Variants in DARS2 observed in about 807,000 individuals in gnomAD.
The protein encoded by DARS2 is aspartate--tRNA ligase, mitochondrial.
A neutral mutation model predicts 83.0 loss-of-function variants in DARS2; 63 were observed. That is an observed-to-expected ratio of 0.76 (90% CI 0.62 to 0.94). The LOEUF is 0.94. Ranked by LOEUF, DARS2 falls within the 40% of genes least tolerant of loss-of-function variation. The pLI is 0.00. For synonymous variants in DARS2, 250 were observed against 269.3 expected, an observed-to-expected ratio of 0.93 and a Z score of 0.70; for missense variants, 675 against 774.4, an observed-to-expected ratio of 0.87 and a Z score of 1.52.
chr1:173,853,946 C>A, intron 15 of DARS2, 41 bp downstream of exon 15: 2 of 1,527,792 alleles, frequency 1.3e-6, no homozygotes, highest in Non-Finnish European at 1.8e-6. Context: ...ATTTTTTTAC[C>A]AGAATATTTT....
intron 11 of DARS2, among the ~76,000 whole-genome samples, chr1:173,841,599 G>T (rs1653213819): frequency 6.6e-6 from 1 of 151,728 alleles, no homozygotes; most frequent in Non-Finnish European, 1.5e-5. Flanking sequence ...AATTGCTTAA[G>T]CTCAGGAGTT....
intron 11 of DARS2, among the ~76,000 whole-genome samples, chr1:173,844,778 ATTTTTTTTTTTTTTTTTT>A (rs1164469532): frequency 1.9e-4 from 11 of 56,838 alleles, no homozygotes; most frequent in African/African-American, 2.9e-4. Context: ...CAGAAATTGG[ATTTTTTTTTTTTTTTTTT>A]TTTTTTTTTT....
chr1:173,834,584 G>C (rs1009682291), intron 7 of DARS2, 65 bp downstream of exon 7: 3 of 1,292,444 alleles, frequency 2.3e-6, no homozygotes, highest in Middle Eastern at 2.0e-4. Context: ...AGACTACTTT[G>C]CTTTTATATT....
intron 11 of DARS2, among the ~76,000 whole-genome samples, chr1:173,841,549 A>G (rs2102649860): frequency 6.6e-6 from 1 of 152,046 alleles, no homozygotes; most frequent in South Asian, 2.1e-4. Context: ...ATAGTAGCTC[A>G]TACCTATAAT....
intron 3 of DARS2, among the ~76,000 whole-genome samples, chr1:173,829,865 G>A (rs1018586306): frequency 9.2e-5 from 14 of 151,982 alleles, no homozygotes; most frequent in African/African-American, 2.7e-4. Flanking sequence ...CCGAGATCAC[G>A]CCACTGTACT....
At chr1:173,825,699 G>A (rs913373694) in intron 1 of DARS2, among the ~76,000 whole-genome samples, 1 of 150,984 alleles carries the variant, frequency 6.6e-6, no homozygotes, top group Non-Finnish European at 1.5e-5. Context: ...TCGATCTCCT[G>A]ACCTCGTGAT....
At chr1:173,825,419 A>G (rs961114844) in intron 1 of DARS2, 63 bp downstream of exon 1, 42 of 1,513,624 alleles carry the variant, frequency 2.8e-5, no homozygotes, top group Non-Finnish European at 3.2e-5. Flanking sequence ...ACGGCCGGAG[A>G]GCTTTTATTC....
chr1:173,834,788 T>TG (rs1557856505), intron 7 of DARS2, among the ~76,000 whole-genome samples: 9 of 136,434 alleles, frequency 6.6e-5, no homozygotes, highest in East Asian at 4.1e-4. Context: ...TTTTGTTTTT[T>TG]TTTTTTTTTT....
intron 10 of DARS2, 78 bp downstream of exon 10, chr1:173,839,624 T>C (rs973284136): frequency 1.5e-6 from 2 of 1,300,314 alleles, no homozygotes; most frequent in Admixed American, 3.4e-5. Context: ...AATTGACAAG[T>C]GTTACACACT....
At position 173,853,555 on chromosome 1, in the gene DARS2, T is replaced by G. The variant is rs777475533; in HGVS notation, c.1551T>G (p.Thr517=). The G allele has an allele frequency of 2.4e-5, 38 of 1,613,870 alleles. No homozygotes were observed. The highest frequency in any genetic ancestry group is 3.0e-5 in the Non-Finnish European group (35 of 1,180,008). ...CCAGTGACATACATCTCCTGTACAC[T>G]GAGCCCAAAAAGGTACCGTATCTAT... ...PHPSDIHLLY[T]EPKKARSQHY... is the part of the protein sequence containing the mutation. The change falls in exon 14 of 17, where the codon ACT becomes ACG. Residue 517 remains threonine, a synonymous_variant. Coordinates refer to ENST00000649689, the MANE Select transcript of DARS2 (RefSeq NM_018122.5).
Position 173,837,054 on chromosome 1 carries a change from T to G in DARS2, c.770+8T>G. ...GGTTGGCGGTTTAGACAGGTGAGCT[T>G]TTTTTATGCTAGCAGTTGTCAGAAA... On this transcript the variant is annotated splice_region_variant and intron_variant, in intron 8 of 16. Transcript: ENST00000649689. The G allele has an allele frequency of 6.2e-7, 1 of 1,605,940 alleles. No individual in the cohort carries two copies. The highest frequency in any genetic ancestry group is 1.7e-4 in the Middle Eastern group (1 of 6,050).
chr1:173,844,560 C>A (rs1329825937), intron 11 of DARS2, among the ~76,000 whole-genome samples: 1 of 150,638 alleles, frequency 6.6e-6, no homozygotes, highest in Admixed American at 6.7e-5. Context: ...ATCCCAGCTA[C>A]TTGGGAGGCT....
At chr1:173,835,527 G>A (rs780677611) in intron 7 of DARS2, among the ~76,000 whole-genome samples, 4 of 151,132 alleles carry the variant, frequency 2.6e-5, no homozygotes, top group Non-Finnish European at 5.9e-5. Flanking sequence ...CAACAAGACC[G>A]TATCTCTTGT....
chr1:173,831,993 A>G (rs1054615679), intron 5 of DARS2, among the ~76,000 whole-genome samples: 3 of 152,240 alleles, frequency 2.0e-5, no homozygotes, highest in Non-Finnish European at 2.9e-5. Flanking sequence ...GGGATCCTGT[A>G]TCTATTAAGT....
intron 3 of DARS2, 109 bp downstream of exon 3, chr1:173,828,508 G>T: frequency 9.4e-7 from 1 of 1,065,076 alleles, no homozygotes; most frequent in Non-Finnish European, 1.4e-6. Flanking sequence ...GAAGTTTATT[G>T]TTAATGAAAA....
intron 12 of DARS2, among the ~76,000 whole-genome samples, chr1:173,847,338 A>G (rs1653475372): frequency 6.6e-6 from 1 of 152,186 alleles, no homozygotes; most frequent in Admixed American, 6.5e-5. Flanking sequence ...TTATTAGTAT[A>G]TAAAATCTGC....
rs1376230689 is a variant in DARS2 at position 173,858,122 on chromosome 1, C to T, written c.*417C>T. On this transcript the variant is annotated 3_prime_UTR_variant, in exon 17 of 17. Transcript: ENST00000649689. ...TGAGTTGATGGAGCATTTGCTTCAT[C>T]ATCCTCATCAAGAGAATCATATAAA... The T allele has an allele frequency of 8.8e-6, 2 of 227,898 alleles. No homozygotes were observed. Among genetic ancestry groups the T allele is most frequent in the Non-Finnish European group, 1.8e-5 (2 of 112,812 alleles). 14.1% of individuals were successfully genotyped at this position (227,898 alleles called of 1,614,324 possible).
intron 5 of DARS2, among the ~76,000 whole-genome samples, chr1:173,832,401 C>T (rs1016151929): frequency 6.6e-6 from 1 of 152,098 alleles, no homozygotes; most frequent in African/African-American, 2.4e-5. Context: ...CCCAGATGAG[C>T]ATTCAAAAAG....
chr1:173,837,806 C>T (rs2102646395), intron 8 of DARS2, among the ~76,000 whole-genome samples: 1 of 151,820 alleles, frequency 6.6e-6, no homozygotes, highest in Non-Finnish European at 1.5e-5. Flanking sequence ...AGAGTCTTTG[C>T]TCTGTCACCC....
Sources: allele counts gnomAD v4.1 joint callset (sites outside exome capture counted in the v4.1 genomes callset), GRCh38; gene constraint gnomAD v4.1.1; transcripts MANE v1.5; gene names NCBI Gene and HGNC (gene_info 2026-07-23, HGNC 2026-07-21).